Variants in FAM193A observed in about 807,000 individuals in gnomAD.
FAM193A encodes protein FAM193A.
In FAM193A, 22 loss-of-function variants were observed where a neutral mutation model predicts 126.5. The ratio of observed to expected loss-of-function variants is 0.17; its 90% confidence interval spans 0.12 to 0.25. FAM193A has a LOEUF of 0.25. Ranked by LOEUF, FAM193A falls within the 10% of genes least tolerant of loss-of-function variation. FAM193A has a pLI of 1.00. For missense variants in FAM193A, 1,675 were observed against 1,672.8 expected (o/e 1.00, Z -0.02); for synonymous variants, 761 against 646.8 (o/e 1.18, Z -2.68).
chr4:2,639,748 T>G lies in FAM193A; in HGVS notation c.1052T>G (p.Leu351Trp). The change falls in exon 6 of 21, where the codon TTG becomes TGG. Residue 351 changes from leucine (L) to tryptophan (W), a missense_variant. By Grantham distance (61) the Leu-to-Trp change is moderately conservative. Transcript: ENST00000637812. ...TFLGTLENEH[L>W]KKFQVTWELH... ...TTTCTTAACCAGGAAAATGAACACT[T>G]GAAAAAGTTCCAAGTGACGTGGGAA... 1 of 1,611,386 alleles carries G rather than the reference T, an allele frequency of 6.2e-7. No individual in the cohort carries two copies. Among genetic ancestry groups the G allele is most frequent in the East Asian group, 2.2e-5 (1 of 44,846 alleles).
At chr4:2,601,034 C>G (rs770699113) in intron 2 of FAM193A, among the ~76,000 whole-genome samples, 3 of 152,084 alleles carry the variant, frequency 2.0e-5, no homozygotes, top group Admixed American at 6.6e-5. Context: ...GCAGGAGGGT[C>G]GCTTGAGCCC....
chr4:2,605,139 C>A (rs769626149), intron 2 of FAM193A, among the ~76,000 whole-genome samples: 19 of 151,990 alleles, frequency 1.3e-4, no homozygotes, highest in African/African-American at 4.3e-4. Context: ...TGAAATCAAT[C>A]CTCATCACTT....
At position 2,630,929 on chromosome 4, in the gene FAM193A, G is replaced by A. The variant is rs1397091760; in HGVS notation, c.804-6G>A. 6.5e-7 allele frequency: 1 copy of A among 1,537,606 alleles called. No individual in the cohort carries two copies. The highest frequency in any genetic ancestry group is 9.0e-7 in the Non-Finnish European group (1 of 1,113,652). On this transcript the variant is annotated splice_polypyrimidine_tract_variant and splice_region_variant and intron_variant, in intron 4 of 20. Transcript: ENST00000637812. ...GCAGGCCCTGGTGACCCTCTTCTCT[G>A]TGCAGGCTCTGCGAGAGGGACCCCT...
intron 19 of FAM193A, among the ~76,000 whole-genome samples, chr4:2,713,682 C>T (rs975753794): frequency 2.6e-5 from 4 of 152,228 alleles, no homozygotes; most frequent in South Asian, 2.1e-4. Flanking sequence ...TCAGAACACA[C>T]GGTATTCTTA....
At chr4:2,539,124 C>T (rs910891612) in intron 1 of FAM193A, among the ~76,000 whole-genome samples, 1 of 152,024 alleles carries the variant, frequency 6.6e-6, no homozygotes, top group African/African-American at 2.4e-5. Context: ...GAAGTCCTGA[C>T]CTCCTGATCC....
chr4:2,599,859 C>G (rs541060656), intron 2 of FAM193A, among the ~76,000 whole-genome samples: 1 of 152,124 alleles, frequency 6.6e-6, no homozygotes, highest in African/African-American at 2.4e-5. Context: ...CCTCAGCCTC[C>G]CGAGTAGCTG....
intron 6 of FAM193A, among the ~76,000 whole-genome samples, chr4:2,641,647 T>TC (rs2109032676): frequency 6.6e-6 from 1 of 152,082 alleles, no homozygotes; most frequent in African/African-American, 2.4e-5. Flanking sequence ...AGAGCGAGAC[T>TC]CCATCTGAAA....
At chr4:2,667,082 C>T (rs1247390320) in intron 12 of FAM193A, among the ~76,000 whole-genome samples, 1 of 152,188 alleles carries the variant, frequency 6.6e-6, no homozygotes, top group African/African-American at 2.4e-5. Context: ...GATGGCCTAA[C>T]ATATAGTTTA....
chr4:2,695,153 C>G (rs1327307306), intron 17 of FAM193A, 24 bp downstream of exon 17: 3 of 1,551,272 alleles, frequency 1.9e-6, no homozygotes, highest in Non-Finnish European at 2.6e-6. Context: ...GTCAGCGCAT[C>G]ATGATGTGGG....
chr4:2,576,317 C>G (rs1220912051), intron 1 of FAM193A, among the ~76,000 whole-genome samples: 6 of 152,092 alleles, frequency 3.9e-5, no homozygotes, highest in Non-Finnish European at 8.8e-5. Context: ...CCAGGCTGGT[C>G]TTGAACTCCT....
chr4:2,549,880 A>G (rs1263678127), intron 1 of FAM193A, among the ~76,000 whole-genome samples: 1 of 150,946 alleles, frequency 6.6e-6, no homozygotes, highest in East Asian at 2.0e-4. Flanking sequence ...GGCATGCACC[A>G]CTGCACCTGG....
chr4:2,640,645 A>G (rs980394761), intron 6 of FAM193A, among the ~76,000 whole-genome samples: 2 of 152,182 alleles, frequency 1.3e-5, no homozygotes, highest in African/African-American at 4.8e-5. Flanking sequence ...ACCCATCGTG[A>G]CAGCAGCCAT....
chr4:2,566,551 G>T (rs1039989490), intron 1 of FAM193A, among the ~76,000 whole-genome samples: 20 of 152,108 alleles, frequency 1.3e-4, no homozygotes, highest in Admixed American at 1.2e-3. Flanking sequence ...AGCTGGACGT[G>T]GTGGTGTGCG....
At chr4:2,727,601 A>G (rs968154295) in intron 20 of FAM193A, among the ~76,000 whole-genome samples, 15 of 152,226 alleles carry the variant, frequency 9.9e-5, no homozygotes, top group Non-Finnish European at 2.1e-4. Flanking sequence ...ACTCTTGACC[A>G]TTTGGGATAC....
At chr4:2,676,027 CAT>C (rs1714365891) in intron 13 of FAM193A, among the ~76,000 whole-genome samples, 1 of 152,186 alleles carries the variant, frequency 6.6e-6, no homozygotes, top group South Asian at 2.1e-4. Flanking sequence ...TTTGTGTCTC[CAT>C]CAGTGAACAC....
chr4:2,582,385 C>G (rs1440308237), intron 1 of FAM193A, among the ~76,000 whole-genome samples: 1 of 152,046 alleles, frequency 6.6e-6, no homozygotes, highest in African/African-American at 2.4e-5. Context: ...AAGCAATCCT[C>G]TCACCCCAAC....
intron 1 of FAM193A, among the ~76,000 whole-genome samples, chr4:2,576,021 C>G (rs1739564919): frequency 6.6e-6 from 1 of 152,124 alleles, no homozygotes; most frequent in East Asian, 1.9e-4. Context: ...AGGTCAGATT[C>G]CTTATAGTTC....
At chr4:2,689,808 T>C (rs1246820748) in intron 14 of FAM193A, 104 bp downstream of exon 14, 1 of 765,294 alleles carries the variant, frequency 1.3e-6, no homozygotes, top group Middle Eastern at 3.7e-4. Flanking sequence ...TGTAGCCAGC[T>C]GCTGCTCCAC....
intron 1 of FAM193A, among the ~76,000 whole-genome samples, chr4:2,543,174 G>A (rs1409063086): frequency 2.6e-5 from 4 of 151,236 alleles, no homozygotes; most frequent in Non-Finnish European, 5.9e-5. Context: ...TGCAACCTCC[G>A]CCTCCCGGGT....
Sources: gnomAD v4.1 joint callset for allele counts (sites outside exome capture counted in the v4.1 genomes callset) on GRCh38, gnomAD v4.1.1 for gene constraint, MANE v1.5 for transcripts, NCBI Gene and HGNC (gene_info 2026-07-23, HGNC 2026-07-21) for gene names.